Variants in ZFPM2 observed in about 807,000 individuals in gnomAD.
ZFPM2 encodes the protein zinc finger protein ZFPM2.
In ZFPM2, 20 loss-of-function variants were observed where a neutral mutation model predicts 98.6. That is an observed-to-expected ratio of 0.20 (90% CI 0.14 to 0.29). The LOEUF is 0.29. Ranked by LOEUF, ZFPM2 falls within the 10% of genes least tolerant of loss-of-function variation. The pLI is 1.00. For missense variants in ZFPM2, 1,310 were observed against 1,388.6 expected, an observed-to-expected ratio of 0.94 and a Z score of 0.90; for synonymous variants, 518 against 502.7, an observed-to-expected ratio of 1.03 and a Z score of -0.41.
intron 5 of ZFPM2, among the ~76,000 whole-genome samples, chr8:105,725,252 A>G (rs1811780663): frequency 6.6e-6 from 1 of 151,710 alleles, no homozygotes; most frequent in Admixed American, 6.6e-5. Context: ...GCATTTCCTT[A>G]TGGCTTTTAC....
chr8:105,482,481 G>C (rs1374426520), intron 3 of ZFPM2, among the ~76,000 whole-genome samples: 1 of 152,000 alleles, frequency 6.6e-6, no homozygotes, highest in African/African-American at 2.4e-5. Flanking sequence ...ATATAATATG[G>C]TATACATTTT....
At chr8:105,745,393 A>G (rs957556976) in intron 5 of ZFPM2, among the ~76,000 whole-genome samples, 1 of 152,150 alleles carries the variant, frequency 6.6e-6, no homozygotes, top group Non-Finnish European at 1.5e-5. Context: ...AGAAATAAAC[A>G]TGTTGTAACT....
chr8:105,525,411 G>T (rs569017646), intron 3 of ZFPM2, among the ~76,000 whole-genome samples: 5 of 152,168 alleles, frequency 3.3e-5, no homozygotes, highest in African/African-American at 7.2e-5. Flanking sequence ...GGGCTATTCC[G>T]TGCCAGTCAC....
intron 4 of ZFPM2, among the ~76,000 whole-genome samples, chr8:105,607,312 T>C (rs1214679864): frequency 3.3e-5 from 5 of 152,082 alleles, no homozygotes; most frequent in African/African-American, 1.2e-4. Context: ...GGTTTACTGA[T>C]GGAATATAAA....
chr8:105,536,121 A>G (rs776377294), intron 3 of ZFPM2, among the ~76,000 whole-genome samples: 1 of 152,204 alleles, frequency 6.6e-6, no homozygotes, highest in Non-Finnish European at 1.5e-5. Flanking sequence ...ATGTAATAAT[A>G]GACCTTGAAT....
intron 2 of ZFPM2, among the ~76,000 whole-genome samples, chr8:105,432,558 A>G (rs529952369): frequency 6.6e-6 from 1 of 152,170 alleles, no homozygotes; most frequent in African/African-American, 2.4e-5. Flanking sequence ...CAGAAGGGAA[A>G]GTGGTTTCTT....
At chr8:105,405,796 G>A (rs1811440291) in intron 1 of ZFPM2, among the ~76,000 whole-genome samples, 1 of 152,102 alleles carries the variant, frequency 6.6e-6, no homozygotes. Context: ...TATATACCCA[G>A]TAATGGGATG....
intron 1 of ZFPM2, among the ~76,000 whole-genome samples, chr8:105,374,360 T>C (rs1810681285): frequency 6.6e-6 from 1 of 152,164 alleles, no homozygotes; most frequent in African/African-American, 2.4e-5. Context: ...TTTAAGCAAC[T>C]GTAAGGAAAC....
chr8:105,434,199 T>C (rs1812075958), intron 2 of ZFPM2, among the ~76,000 whole-genome samples: 1 of 152,192 alleles, frequency 6.6e-6, no homozygotes, highest in South Asian at 2.1e-4. Flanking sequence ...TTAATTTTTT[T>C]TTTTTTAGGT....
chr8:105,802,360 T>C lies in ZFPM2; in HGVS notation c.2278T>C (p.Phe760Leu). ...AAGGCCTCCACTGGTTCAGCAGAGA[T>C]TTCTTGACGTAGCCAACCTCAATAA... Reference protein sequence around the residue: ...EQRPPLVQQRFLDVANLNNPC... With the variant: ...EQRPPLVQQRLLDVANLNNPC... Residue 760 changes from phenylalanine to leucine, a missense_variant, in exon 8 of 8, where the codon TTT (phenylalanine) becomes CTT (leucine). Physicochemically the swap from Phe to Leu is conservative, Grantham distance 22. Coordinates refer to ENST00000407775, the MANE Select transcript of ZFPM2 (RefSeq NM_012082.4). 1 of 1,613,776 alleles carries C rather than the reference T, an allele frequency of 6.2e-7. No individual in the cohort carries two copies. The highest frequency in any genetic ancestry group is 8.5e-7 in the Non-Finnish European group (1 of 1,179,860).
At chr8:105,619,830 C>T (rs1249803064) in intron 4 of ZFPM2, among the ~76,000 whole-genome samples, 2 of 152,046 alleles carry the variant, frequency 1.3e-5, no homozygotes, top group Non-Finnish European at 2.9e-5. Flanking sequence ...TGGTTTCCAG[C>T]TTCATCCATG....
chr8:105,383,855 A>G (rs554171807), intron 1 of ZFPM2, among the ~76,000 whole-genome samples: 1 of 152,186 alleles, frequency 6.6e-6, no homozygotes, highest in African/African-American at 2.4e-5. Flanking sequence ...AAGTATCACT[A>G]TATTAACTCA....
chr8:105,636,491 A>C (rs1414249469), intron 5 of ZFPM2, among the ~76,000 whole-genome samples: 2 of 152,092 alleles, frequency 1.3e-5, no homozygotes, highest in Non-Finnish European at 2.9e-5. Context: ...ATTATTCTCT[A>C]TTACCTTGTT....
At chr8:105,693,967 CT>C (rs1395033253) in intron 5 of ZFPM2, among the ~76,000 whole-genome samples, 126 of 128,026 alleles carry the variant, frequency 9.8e-4, no homozygotes, top group Middle Eastern at 8.5e-3. Context: ...TTTTTCTTTT[CT>C]TTTTTTCTTT....
rs546351016 is a variant in ZFPM2 at position 105,392,422 on chromosome 8, A to G, written c.41-26722A>G. Among the ~76,000 whole-genome samples the G allele has an allele frequency of 7.2e-5, 11 of 152,330 alleles. No individual in the cohort carries two copies. The South Asian group carries it at 2.3e-3, about 32-fold the overall frequency. The stretch of plus-strand genomic sequence containing the variant: ...AAATGGCTGAATGGGAAATACTTGC[A>G]GTGTATCTACATAATCTCATGAAGA... On this transcript the variant is annotated intron_variant, in intron 1 of 7. Coordinates refer to ENST00000407775, the MANE Select transcript of ZFPM2 (RefSeq NM_012082.4).
chr8:105,781,682 C>T (rs1813255116), intron 5 of ZFPM2, among the ~76,000 whole-genome samples: 1 of 152,118 alleles, frequency 6.6e-6, no homozygotes. Flanking sequence ...GTGACTGCCA[C>T]TGCACTCCAG....
chr8:105,569,973 C>T (rs1239289287), intron 4 of ZFPM2, among the ~76,000 whole-genome samples: 1 of 152,104 alleles, frequency 6.6e-6, no homozygotes, highest in Non-Finnish European at 1.5e-5. Context: ...GTACTGATTC[C>T]TCTAATTGGG....
chr8:105,572,304 G>A (rs1425180985), intron 4 of ZFPM2, among the ~76,000 whole-genome samples: 1 of 151,992 alleles, frequency 6.6e-6, no homozygotes, highest in African/African-American at 2.4e-5. Flanking sequence ...CCAAAGTGCT[G>A]GGATTACAGG....
intron 3 of ZFPM2, among the ~76,000 whole-genome samples, chr8:105,450,606 G>T (rs1343227101): frequency 6.6e-6 from 1 of 152,004 alleles, no homozygotes; most frequent in Non-Finnish European, 1.5e-5. Context: ...AATGACTCTT[G>T]CCGGATGAAG....
Sources: gnomAD v4.1 joint callset for allele counts (sites outside exome capture counted in the v4.1 genomes callset) on GRCh38, gnomAD v4.1.1 for gene constraint, MANE v1.5 for transcripts, NCBI Gene and HGNC (gene_info 2026-07-23, HGNC 2026-07-21) for gene names.